The following GRM5 variants were observed in gnomAD, a reference collection of about 807,000 sequenced individuals.
The protein encoded by GRM5 is metabotropic glutamate receptor 5.
A neutral mutation model predicts 83.1 loss-of-function variants in GRM5; 19 were observed. The observed-to-expected ratio is 0.23, with a 90% CI of 0.16 to 0.34. The LOEUF is 0.34. GRM5 is among the 10% of genes least tolerant of loss of function. The pLI is 1.00. For synonymous variants in GRM5, 675 were observed against 633.6 expected, an observed-to-expected ratio of 1.07 and a Z score of -0.98; for missense variants, 1,160 against 1,588.3, an observed-to-expected ratio of 0.73 and a Z score of 4.58.
intron 8 of GRM5, among the ~76,000 whole-genome samples, chr11:88,559,341 G>C (rs781529617): frequency 3.3e-5 from 5 of 152,134 alleles, no homozygotes; most frequent in Non-Finnish European, 7.4e-5. Context: ...TGCCATGTTT[G>C]TCATAAGGGC....
intron 3 of GRM5, among the ~76,000 whole-genome samples, chr11:88,759,307 A>G (rs1359334515): frequency 2.6e-5 from 4 of 152,098 alleles, no homozygotes; most frequent in African/African-American, 7.2e-5. Context: ...GCAAGACCCA[A>G]TGTACGGTCT....
At position 88,506,810 on chromosome 11, in the gene GRM5, C is replaced by T. The variant is rs1941194319; in HGVS notation, c.*1782G>A. On this transcript the variant is annotated 3_prime_UTR_variant, in exon 10 of 10. Transcript: ENST00000305447. ...TGCCAATGGACTGACTTCTATTTCT[C>T]AGTTTATTTTCTGTTAAGTAGATGT... 6.6e-6 allele frequency: 1 copy of T among 151,996 alleles called. No homozygotes were observed. The highest frequency in any genetic ancestry group is 1.5e-5 in the Non-Finnish European group (1 of 67,980). The allele number at this position is 151,996 out of a possible 1,614,324, so 9.4% of individuals were successfully genotyped here.
At chr11:88,857,145 A>G (rs1395100069) in intron 2 of GRM5, among the ~76,000 whole-genome samples, 1 of 152,082 alleles carries the variant, frequency 6.6e-6, no homozygotes, top group African/African-American at 2.4e-5. Context: ...TTGGTCAAAC[A>G]GTGTAACTAT....
chr11:88,703,382 T>C (rs1010524445), intron 3 of GRM5, among the ~76,000 whole-genome samples: 1 of 49,142 alleles, frequency 2.0e-5, no homozygotes, highest in Non-Finnish European at 1.8e-4. Flanking sequence ...ACTGGACACC[T>C]GAGGGATGGT....
intron 2 of GRM5, among the ~76,000 whole-genome samples, chr11:89,038,401 T>C (rs1591068562): frequency 6.6e-6 from 1 of 152,190 alleles, no homozygotes; most frequent in African/African-American, 2.4e-5. Flanking sequence ...TAAGGCTACA[T>C]TATTTAACAA....
chr11:88,844,401 T>C (rs66899010), intron 3 of GRM5, among the ~76,000 whole-genome samples: 23,709 of 151,482 alleles, frequency 0.16, 2,478 homozygotes, highest in Non-Finnish European at 0.24. Flanking sequence ...TATATATATA[T>C]ACAAAAATCC....
intron 2 of GRM5, among the ~76,000 whole-genome samples, chr11:88,923,821 T>G (rs577579176): frequency 2.1e-5 from 3 of 143,016 alleles, no homozygotes; most frequent in Non-Finnish European, 4.7e-5. Context: ...CCCATGAATA[T>G]ATATATTCGT....
chr11:89,006,038 G>C (rs1419793928), intron 2 of GRM5, among the ~76,000 whole-genome samples: 1 of 152,134 alleles, frequency 6.6e-6, no homozygotes, highest in Non-Finnish European at 1.5e-5. Context: ...GCGTCCAGGG[G>C]TTTGAAACAA....
intron 2 of GRM5, among the ~76,000 whole-genome samples, chr11:88,942,589 A>ACCT (rs989220534): frequency 4.5e-4 from 69 of 152,126 alleles, no homozygotes; most frequent in African/African-American, 1.5e-3. Context: ...CATAAATTAA[A>ACCT]CATAAGCCTC....
At chr11:88,890,114 C>CATCCCCAT (rs917827053) in intron 2 of GRM5, among the ~76,000 whole-genome samples, 1 of 151,596 alleles carries the variant, frequency 6.6e-6, no homozygotes, top group African/African-American at 2.4e-5. Flanking sequence ...GATATGGAAA[C>CATCCCCAT]ATCCCCACAT....
intron 4 of GRM5, among the ~76,000 whole-genome samples, chr11:88,632,505 A>C (rs1939003717): frequency 6.6e-6 from 1 of 151,606 alleles, no homozygotes; most frequent in Non-Finnish European, 1.5e-5. Flanking sequence ...GGCTACTTAG[A>C]CTCATAATTA....
chr11:88,542,755 C>A (rs1942295932), intron 8 of GRM5, among the ~76,000 whole-genome samples: 1 of 152,026 alleles, frequency 6.6e-6, no homozygotes. Context: ...ACAAATAGAG[C>A]ACACTAAACT....
intron 3 of GRM5, among the ~76,000 whole-genome samples, chr11:88,774,317 T>G (rs1159890150): frequency 6.6e-6 from 1 of 152,214 alleles, no homozygotes; most frequent in African/African-American, 2.4e-5. Flanking sequence ...GAGACTTTGC[T>G]GAAGTTGCTT....
At chr11:88,595,806 T>C (rs892127412) in intron 6 of GRM5, among the ~76,000 whole-genome samples, 11 of 152,182 alleles carry the variant, frequency 7.2e-5, no homozygotes, top group African/African-American at 2.7e-4. Flanking sequence ...GTTGTCTATC[T>C]CTCTGTACCT....
intron 2 of GRM5, among the ~76,000 whole-genome samples, chr11:88,887,370 C>T (rs549877181): frequency 1.4e-4 from 22 of 152,242 alleles, no homozygotes; most frequent in African/African-American, 5.1e-4. Flanking sequence ...TTCAGTCTAG[C>T]CCCTCCATTA....
chr11:89,000,178 T>A (rs1940326061), intron 2 of GRM5, among the ~76,000 whole-genome samples: 1 of 152,152 alleles, frequency 6.6e-6, no homozygotes, highest in Admixed American at 6.5e-5. Flanking sequence ...ACATGGCACA[T>A]GTATACATAT....
At chr11:88,918,301 T>A (rs1945630253) in intron 2 of GRM5, among the ~76,000 whole-genome samples, 1 of 151,730 alleles carries the variant, frequency 6.6e-6, no homozygotes, top group African/African-American at 2.4e-5. Context: ...AATAAAAAAA[T>A]TCCCCTGGCA....
chr11:88,778,360 C>T (rs1001927890), intron 3 of GRM5, among the ~76,000 whole-genome samples: 26 of 152,198 alleles, frequency 1.7e-4, no homozygotes, highest in Admixed American at 1.1e-3. Flanking sequence ...TAGTCTGTCA[C>T]GGCTTCCCTT....
At chr11:88,921,357 C>T (rs1263795352) in intron 2 of GRM5, among the ~76,000 whole-genome samples, 3 of 152,168 alleles carry the variant, frequency 2.0e-5, no homozygotes, top group Non-Finnish European at 4.4e-5. Flanking sequence ...GGCGCAGTGG[C>T]TCATGCCTGT....
Sources: gnomAD v4.1 joint callset for allele counts (sites outside exome capture counted in the v4.1 genomes callset) on GRCh38, gnomAD v4.1.1 for gene constraint, MANE v1.5 for transcripts, NCBI Gene and HGNC (gene_info 2026-07-23, HGNC 2026-07-21) for gene names.